The following GPR39 variants were observed in gnomAD, a reference collection of about 807,000 sequenced individuals.
GPR39 encodes the protein G protein-coupled receptor 39, also known as zinc sensing receptor.
Under a neutral mutation model 18.4 loss-of-function variants are expected in GPR39, and 23 were observed. The observed-to-expected ratio is 1.25, with a 90% CI of 0.90 to 1.77. GPR39 has a LOEUF of 1.77. GPR39 is among the 40% of genes most tolerant of loss of function. The pLI, the probability that GPR39 is intolerant of heterozygous loss-of-function variation, is 0.00. For missense variants in GPR39, 647 were observed against 602.4 expected (o/e 1.07, Z -0.78); for synonymous variants, 280 against 257.9 (o/e 1.09, Z -0.82).
intron 1 of GPR39, among the ~76,000 whole-genome samples, chr2:132,576,515 T>A (rs2872946): frequency 6.6e-6 from 1 of 151,810 alleles, no homozygotes; most frequent in East Asian, 1.9e-4. Context: ...TAGCCAGCCA[T>A]GGTGGTGTGC....
chr2:132,416,852 T>G lies in GPR39; in HGVS notation c.-191T>G. 1.4e-6 allele frequency: 1 copy of G among 719,052 alleles called. No homozygotes were observed. Among genetic ancestry groups the G allele is most frequent in the South Asian group, 1.9e-5 (1 of 52,514 alleles). 44.5% of individuals were successfully genotyped at this position (719,052 alleles called of 1,614,324 possible). On this transcript the variant is annotated 5_prime_UTR_variant, in exon 1 of 2. Coordinates refer to ENST00000329321, the MANE Select transcript of GPR39 (RefSeq NM_001508.3). ...ACCCAGGCGCCTCCTGGGCCTCTCC[T>G]AGGTTGGGCTGCTCCAGCAAGTTTC...
intron 1 of GPR39, among the ~76,000 whole-genome samples, chr2:132,629,322 G>A (rs538409348): frequency 3.9e-5 from 6 of 152,290 alleles, no homozygotes; most frequent in South Asian, 2.1e-4. Context: ...GCTTCTGCAC[G>A]TCCAACAAGC....
At chr2:132,538,038 C>T (rs1375696569) in intron 1 of GPR39, among the ~76,000 whole-genome samples, 3 of 152,006 alleles carry the variant, frequency 2.0e-5, no homozygotes, top group Non-Finnish European at 1.5e-5. Flanking sequence ...CTTCTGAAGC[C>T]TACTTTTGTA....
At chr2:132,438,733 T>A (rs1310610157) in intron 1 of GPR39, among the ~76,000 whole-genome samples, 1 of 152,130 alleles carries the variant, frequency 6.6e-6, no homozygotes, top group Admixed American at 6.5e-5. Context: ...AAGTATACAA[T>A]CCTTGTTTCA....
At chr2:132,553,646 G>A (rs934376578) in intron 1 of GPR39, among the ~76,000 whole-genome samples, 1 of 152,078 alleles carries the variant, frequency 6.6e-6, no homozygotes, top group Non-Finnish European at 1.5e-5. Flanking sequence ...CACGGGGTGT[G>A]CAGGGGCAGG....
intron 1 of GPR39, among the ~76,000 whole-genome samples, chr2:132,520,539 C>T (rs1252346679): frequency 6.6e-6 from 1 of 152,194 alleles, no homozygotes. Context: ...GGCACTCATT[C>T]CCCTACAAGA....
rs533840729 is a variant in GPR39 at position 132,490,026 on chromosome 2, C to T, written c.856+72128C>T. Among the ~76,000 whole-genome samples the T allele has an allele frequency of 2.9e-4, 44 of 151,870 alleles. 1 individual carries two copies. Among genetic ancestry groups the T allele is most frequent in the African/African-American group, 9.9e-4 (41 of 41,252 alleles). ...TCCCCAGGCACCTGGCATGTGGCAC[C>T]GTGCTTGCTCCTGTGCTCACCTGCT... On this transcript the variant is annotated intron_variant, in intron 1 of 1. Coordinates refer to ENST00000329321, the MANE Select transcript of GPR39 (RefSeq NM_001508.3).
chr2:132,580,065 G>T (rs1680596616), intron 1 of GPR39, among the ~76,000 whole-genome samples: 1 of 152,192 alleles, frequency 6.6e-6, no homozygotes, highest in African/African-American at 2.4e-5. Context: ...GGTAGTGTTG[G>T]CAAAATGATT....
At chr2:132,531,915 C>T (rs1380891694) in intron 1 of GPR39, among the ~76,000 whole-genome samples, 1 of 152,142 alleles carries the variant, frequency 6.6e-6, no homozygotes, top group Non-Finnish European at 1.5e-5. Context: ...ATAAAATTGA[C>T]ACCATAACAT....
At chr2:132,476,588 A>G (rs892227824) in intron 1 of GPR39, among the ~76,000 whole-genome samples, 13 of 141,068 alleles carry the variant, frequency 9.2e-5, no homozygotes, top group Non-Finnish European at 2.0e-4. Context: ...GTGAGCCGAG[A>G]TCATGCCACT....
intron 1 of GPR39, among the ~76,000 whole-genome samples, chr2:132,418,930 G>A (rs1048140826): frequency 6.6e-6 from 1 of 152,202 alleles, no homozygotes; most frequent in African/African-American, 2.4e-5. Context: ...TCATGGTGCT[G>A]TTTGTTTTGG....
intron 1 of GPR39, among the ~76,000 whole-genome samples, chr2:132,599,312 A>G (rs2104839386): frequency 6.6e-6 from 1 of 152,294 alleles, no homozygotes; most frequent in Non-Finnish European, 1.5e-5. Context: ...GCTTTCCTAT[A>G]ATCAGAAGAG....
intron 1 of GPR39, among the ~76,000 whole-genome samples, chr2:132,487,420 A>T (rs978990042): frequency 7.9e-5 from 12 of 152,174 alleles, no homozygotes; most frequent in African/African-American, 2.7e-4. Flanking sequence ...TTATTTTTTT[A>T]AAAATACAAT....
intron 1 of GPR39, among the ~76,000 whole-genome samples, chr2:132,534,230 A>G (rs988262358): frequency 2.0e-5 from 3 of 152,160 alleles, no homozygotes; most frequent in African/African-American, 7.2e-5. Flanking sequence ...CAAAAAACAC[A>G]TGAAAAAATG....
At chr2:132,595,824 A>C (rs1680935040) in intron 1 of GPR39, among the ~76,000 whole-genome samples, 1 of 152,192 alleles carries the variant, frequency 6.6e-6, no homozygotes, top group Non-Finnish European at 1.5e-5. Flanking sequence ...TAAACCACCA[A>C]AGCAGGTTTC....
At chr2:132,469,076 G>C (rs1405496763) in intron 1 of GPR39, among the ~76,000 whole-genome samples, 1 of 152,214 alleles carries the variant, frequency 6.6e-6, no homozygotes, top group African/African-American at 2.4e-5. Flanking sequence ...CAAAGGGCTT[G>C]GGACATGTCT....
intron 1 of GPR39, among the ~76,000 whole-genome samples, chr2:132,547,709 C>G (rs1306635333): frequency 1.3e-5 from 2 of 152,104 alleles, no homozygotes; most frequent in African/African-American, 4.8e-5. Context: ...TGATAGGACA[C>G]CCACACACCA....
chr2:132,417,443 A>G lies in GPR39; in HGVS notation c.401A>G (p.Tyr134Cys), dbSNP rs1462640612. Reference protein sequence around the residue: ...LHVLTLSFERYIAICHPFRYK... With the variant: ...LHVLTLSFERCIAICHPFRYK... ...GTGCTGACACTCAGCTTTGAGCGCTACATCGCCATCTGTCACCCCTTCAGG... is the reference window on the plus strand; with the variant it reads ...GTGCTGACACTCAGCTTTGAGCGCTGCATCGCCATCTGTCACCCCTTCAGG... Residue 134 changes from tyrosine (Y) to cysteine (C), a missense_variant, in exon 1 of 2, where the codon TAC becomes TGC. Physicochemically the swap from Tyr to Cys is radical, Grantham distance 194. Around this residue, in one of 3 missense-constraint regions of GPR39, gnomAD observed 581 missense variants for 506.8 expected, o/e 1.15. Transcript: ENST00000329321. The G allele has an allele frequency of 6.2e-7, 1 of 1,614,058 alleles. No individual in the cohort carries two copies. Among genetic ancestry groups the G allele is most frequent in the Non-Finnish European group, 8.5e-7 (1 of 1,180,032 alleles).
At chr2:132,623,665 C>G (rs534360451) in intron 1 of GPR39, among the ~76,000 whole-genome samples, 5 of 152,170 alleles carry the variant, frequency 3.3e-5, no homozygotes, top group Non-Finnish European at 7.4e-5. Flanking sequence ...CTTGATGTTT[C>G]TTTCCTCATT....
Sources: allele counts gnomAD v4.1 joint callset (sites outside exome capture counted in the v4.1 genomes callset), GRCh38; gene constraint gnomAD v4.1.1; regional missense constraint gnomAD v4.1.1; transcripts MANE v1.5; gene names NCBI Gene and HGNC (gene_info 2026-07-23, HGNC 2026-07-21).